Variants in COBLL1 observed in about 807,000 individuals in gnomAD.
COBLL1 encodes the protein cordon-bleu protein-like 1.
COBLL1 carries 50 observed loss-of-function variants against 94.8 expected under a neutral mutation model. The ratio of observed to expected loss-of-function variants is 0.53; its 90% CI spans 0.42 to 0.67. COBLL1 has a LOEUF of 0.67. Among genes scored for constraint, COBLL1 ranks in the 30% least tolerant of loss-of-function variants. The pLI is 0.00. For missense variants in COBLL1, 1,362 were observed against 1,348.7 expected (o/e 1.01, Z -0.15); for synonymous variants, 448 against 473.8 (o/e 0.95, Z 0.71).
intron 2 of COBLL1, among the ~76,000 whole-genome samples, chr2:164,818,467 CACATATTTACAATGTATACATAT>C (rs1265101398): frequency 8.1e-5 from 12 of 148,774 alleles, no homozygotes; most frequent in African/African-American, 2.7e-4. Flanking sequence ...TATACATATA[CACATATTTACAATGTATACATAT>C]ACATATTTAC....
chr2:164,838,336 G>A (rs1683420051), intron 2 of COBLL1, among the ~76,000 whole-genome samples: 1 of 152,168 alleles, frequency 6.6e-6, no homozygotes, highest in Admixed American at 6.5e-5. Flanking sequence ...AGCAGCAGCT[G>A]AGAGGCCATA....
intron 2 of COBLL1, among the ~76,000 whole-genome samples, chr2:164,797,627 C>T (rs1683533532): frequency 6.6e-6 from 1 of 152,104 alleles, no homozygotes; most frequent in African/African-American, 2.4e-5. Flanking sequence ...AGATACCCAT[C>T]CTTCATCAAA....
intron 2 of COBLL1, among the ~76,000 whole-genome samples, chr2:164,828,795 G>T (rs974272903): frequency 6.6e-6 from 1 of 152,162 alleles, no homozygotes; most frequent in African/African-American, 2.4e-5. Flanking sequence ...TGTTTTGAAA[G>T]ACTTAGAATC....
intron 2 of COBLL1, among the ~76,000 whole-genome samples, chr2:164,830,395 A>C (rs901972763): frequency 1.3e-5 from 2 of 152,212 alleles, no homozygotes; most frequent in East Asian, 3.8e-4. Flanking sequence ...CATATTCAAA[A>C]TCCTCAGATA....
chr2:164,700,661 A>C lies in COBLL1; in HGVS notation c.1321T>G (p.Ser441Ala). The C allele has an allele frequency of 2.5e-6, 4 of 1,613,346 alleles. No homozygotes were observed. The highest frequency in any genetic ancestry group is 3.4e-6 in the Non-Finnish European group (4 of 1,179,388). The change falls in exon 10 of 14, where the codon TCA becomes GCA. Residue 441 changes from serine (S) to alanine (A), a missense_variant. Ser to Ala is a moderately conservative substitution (Grantham distance 99). Coordinates refer to ENST00000652658, the MANE Select transcript of COBLL1 (RefSeq NM_001365672.2). Reference protein sequence around the residue: ...KVEAENISPKSQDIPFVSTDI... With the variant: ...KVEAENISPKAQDIPFVSTDI... ...GTAGATACAAAAGGAATATCTTGTG[A>C]CTTCGGAGAAATATTTTCAGCTTCA... is the stretch of plus-strand genomic sequence containing the variant.
At chr2:164,668,418 G>C (rs1691198587) in intron 1 of COBLL1, among the ~76,000 whole-genome samples, 1 of 152,206 alleles carries the variant, frequency 6.6e-6, no homozygotes, top group Admixed American at 6.5e-5. Flanking sequence ...TCAGGAAATA[G>C]GGAGGCCTGA....
At chr2:164,712,520 A>G (rs549643425) in intron 7 of COBLL1, among the ~76,000 whole-genome samples, 2 of 152,200 alleles carry the variant, frequency 1.3e-5, no homozygotes, top group South Asian at 2.1e-4. Context: ...TATCTTATAA[A>G]TTGACATTAA....
intron 2 of COBLL1, among the ~76,000 whole-genome samples, chr2:164,826,252 A>C (rs1303898918): frequency 6.6e-6 from 1 of 152,248 alleles, no homozygotes; most frequent in African/African-American, 2.4e-5. Context: ...TGTGATTTTC[A>C]TTGAGATTAG....
chr2:164,753,001 C>T (rs1687204003), intron 2 of COBLL1, among the ~76,000 whole-genome samples: 1 of 152,180 alleles, frequency 6.6e-6, no homozygotes, highest in East Asian at 1.9e-4. Flanking sequence ...CAAGGCAGGG[C>T]ACAGTGGCTG....
chr2:164,694,265 T>C lies in COBLL1; in HGVS notation c.3123+4A>G. On this transcript the variant is annotated splice_donor_region_variant and intron_variant, in intron 12 of 13. Coordinates refer to ENST00000652658, the MANE Select transcript of COBLL1 (RefSeq NM_001365672.2). ...ATACTTATTTTTAAAAAGGCTACAGTTACCTTATCAGACACACCAAGCTGT... is the reference window on the plus strand; with the variant it reads ...ATACTTATTTTTAAAAAGGCTACAGCTACCTTATCAGACACACCAAGCTGT... 4 of 1,609,106 alleles carry C rather than the reference T, an allele frequency of 2.5e-6. No individual in the cohort carries two copies. Among genetic ancestry groups the C allele is most frequent in the Non-Finnish European group, 2.5e-6 (3 of 1,177,598 alleles).
In COBLL1 at chr2:164,772,870, G is replaced by A. The variant is rs1012974645; in HGVS notation, c.42-28995C>T. ...GAAAGTACAGTACTGTAAGCAAGGAGATGAGTCAAGTTGCATTATTCAGTT... is the reference window on the plus strand; with the variant it reads ...GAAAGTACAGTACTGTAAGCAAGGAAATGAGTCAAGTTGCATTATTCAGTT... On this transcript the variant is annotated intron_variant, in intron 2 of 13. Transcript: ENST00000652658. 8.3e-4 allele frequency among the ~76,000 whole-genome samples: 126 copies of A among 152,158 alleles called. 1 individual carries two copies. The highest frequency in any genetic ancestry group is 2.9e-3 in the African/African-American group (122 of 41,556).
intron 5 of COBLL1, among the ~76,000 whole-genome samples, chr2:164,726,473 T>C (rs898068932): frequency 7.2e-5 from 11 of 152,102 alleles, no homozygotes; most frequent in South Asian, 2.1e-4. Context: ...GAAAGGAATG[T>C]ATGCCCATTA....
intron 2 of COBLL1, among the ~76,000 whole-genome samples, chr2:164,759,461 A>G (rs1039185157): frequency 7.9e-5 from 12 of 152,140 alleles, no homozygotes; most frequent in Non-Finnish European, 1.3e-4. Context: ...AGATAAAAAC[A>G]TAAGAAAAAA....
At chr2:164,791,799 T>G (rs1683201148) in intron 2 of COBLL1, among the ~76,000 whole-genome samples, 1 of 151,886 alleles carries the variant, frequency 6.6e-6, no homozygotes, top group Non-Finnish European at 1.5e-5. Flanking sequence ...TCACCAGACC[T>G]GAAGGCACAG....
intron 1 of COBLL1, among the ~76,000 whole-genome samples, chr2:164,673,026 A>T (rs1352183756): frequency 6.6e-6 from 1 of 152,176 alleles, no homozygotes; most frequent in Non-Finnish European, 1.5e-5. Context: ...TAATTTAAAA[A>T]TTGCCTTCAA....
chr2:164,749,693 T>A (rs917771838), intron 2 of COBLL1, among the ~76,000 whole-genome samples: 4 of 152,204 alleles, frequency 2.6e-5, no homozygotes, highest in Admixed American at 2.0e-4. Flanking sequence ...TTTTTCTTGA[T>A]GAGCCTAATT....
chr2:164,810,357 A>G (rs1385444919), intron 2 of COBLL1, among the ~76,000 whole-genome samples: 4 of 151,632 alleles, frequency 2.6e-5, no homozygotes, highest in South Asian at 2.1e-4. Flanking sequence ...TAAAATTTGT[A>G]TTGTAAAAAT....
chr2:164,673,061 T>C (rs1326433306), intron 1 of COBLL1, among the ~76,000 whole-genome samples: 1 of 152,220 alleles, frequency 6.6e-6, no homozygotes, highest in Non-Finnish European at 1.5e-5. Context: ...ACTTTTCTCA[T>C]GAAATATAAT....
At chr2:164,735,947 C>A (rs1686281580) in intron 3 of COBLL1, among the ~76,000 whole-genome samples, 1 of 152,132 alleles carries the variant, frequency 6.6e-6, no homozygotes, top group Non-Finnish European at 1.5e-5. Context: ...TATTACACCA[C>A]ATTGAATTTT....
Sources: allele counts gnomAD v4.1 joint callset (sites outside exome capture counted in the v4.1 genomes callset), GRCh38; gene constraint gnomAD v4.1.1; transcripts MANE v1.5; gene names NCBI Gene and HGNC (gene_info 2026-07-23, HGNC 2026-07-21).